ADAMTS17: variants seen among roughly 807,000 people sequenced by gnomAD.
The protein encoded by ADAMTS17 is ADAM metallopeptidase with thrombospondin type 1 motif 17.
A neutral mutation model predicts 141.5 loss-of-function variants in ADAMTS17; 113 were observed. The observed-to-expected ratio is 0.80, with a 90% CI of 0.69 to 0.93. The LOEUF is 0.93. Among genes scored for constraint, ADAMTS17 ranks in the 40% least tolerant of loss-of-function variants. ADAMTS17 has a pLI of 0.00. For synonymous variants in ADAMTS17, 768 were observed against 630.6 expected (o/e 1.22, Z -3.27); for missense variants, 1,659 against 1,517.9 (o/e 1.09, Z -1.54).
intron 8 of ADAMTS17, among the ~76,000 whole-genome samples, chr15:100,172,794 T>C (rs1380588440): frequency 6.6e-6 from 1 of 152,226 alleles, no homozygotes; most frequent in East Asian, 1.9e-4. Flanking sequence ...GCTCTCACCA[T>C]TGTTCCAACT....
chr15:100,295,111 T>C (rs967163620), intron 3 of ADAMTS17, among the ~76,000 whole-genome samples: 31 of 152,218 alleles, frequency 2.0e-4, no homozygotes, highest in Admixed American at 1.8e-3. Context: ...TCTTGTGTCA[T>C]TGACCTTCTT....
chr15:99,984,647 A>G (rs529212868), intron 20 of ADAMTS17, among the ~76,000 whole-genome samples: 1 of 152,310 alleles, frequency 6.6e-6, no homozygotes, highest in South Asian at 2.1e-4. Context: ...TATGAGGGCT[A>G]CCCCTAAACT....
chr15:100,292,536 G>C (rs994869821), intron 3 of ADAMTS17, among the ~76,000 whole-genome samples: 1 of 151,900 alleles, frequency 6.6e-6, no homozygotes, highest in Non-Finnish European at 1.5e-5. Flanking sequence ...CACTCACCCC[G>C]TGAGAAATTA....
chr15:99,983,698 T>G (rs1363521103), intron 20 of ADAMTS17, among the ~76,000 whole-genome samples: 1 of 151,954 alleles, frequency 6.6e-6, no homozygotes, highest in Non-Finnish European at 1.5e-5. Context: ...GGGTCTGGGG[T>G]GAGCACAAGC....
chr15:100,005,875 T>C (rs2061027614), intron 18 of ADAMTS17, among the ~76,000 whole-genome samples: 2 of 152,112 alleles, frequency 1.3e-5, no homozygotes, highest in African/African-American at 4.8e-5. Flanking sequence ...AAGGAGAACG[T>C]GTTCTGTGTC....
chr15:100,114,408 C>T (rs1596471247), intron 13 of ADAMTS17, among the ~76,000 whole-genome samples: 1 of 152,264 alleles, frequency 6.6e-6, no homozygotes, highest in African/African-American at 2.4e-5. Context: ...GTATTCCCCT[C>T]CTGCCTTCTA....
At chr15:100,244,191 A>G (rs926388493) in intron 7 of ADAMTS17, among the ~76,000 whole-genome samples, 9 of 151,860 alleles carry the variant, frequency 5.9e-5, no homozygotes, top group African/African-American at 2.2e-4. Context: ...CCCTATCACC[A>G]GAACAGCACA....
chr15:99,985,003 C>T (rs1033312142), intron 20 of ADAMTS17, among the ~76,000 whole-genome samples: 13 of 152,226 alleles, frequency 8.5e-5, no homozygotes, highest in African/African-American at 2.2e-4. Context: ...CCCTGCGGCC[C>T]GCCTCACTTC....
chr15:100,096,128 G>C (rs896805656), intron 15 of ADAMTS17, among the ~76,000 whole-genome samples: 1 of 152,230 alleles, frequency 6.6e-6, no homozygotes, highest in Non-Finnish European at 1.5e-5. Context: ...CAGGCTAAGT[G>C]GGGAGCTGTT....
At chr15:99,990,473 G>T (rs8042761) in intron 20 of ADAMTS17, among the ~76,000 whole-genome samples, 1 of 152,138 alleles carries the variant, frequency 6.6e-6, no homozygotes, top group African/African-American at 2.4e-5. Context: ...GGGGAAACTG[G>T]ACTGACAGCC....
chr15:100,222,129 G>C (rs1040236247), intron 7 of ADAMTS17, among the ~76,000 whole-genome samples: 1 of 152,320 alleles, frequency 6.6e-6, no homozygotes, highest in Non-Finnish European at 1.5e-5. Context: ...CCAGCAATTT[G>C]CAACGTGACT....
chr15:100,038,369 T>G (rs1230551114), intron 18 of ADAMTS17, among the ~76,000 whole-genome samples: 1 of 152,240 alleles, frequency 6.6e-6, no homozygotes, highest in African/African-American at 2.4e-5. Flanking sequence ...CAATTCCATA[T>G]GAATTTTAGC....
At chr15:100,207,054 G>T (rs1487494463) in intron 7 of ADAMTS17, among the ~76,000 whole-genome samples, 1 of 152,204 alleles carries the variant, frequency 6.6e-6, no homozygotes, top group Non-Finnish European at 1.5e-5. Context: ...AAATTCAGAG[G>T]TTGAAGCCCT....
At chr15:99,986,376 A>G (rs1268863811) in intron 20 of ADAMTS17, among the ~76,000 whole-genome samples, 2 of 152,170 alleles carry the variant, frequency 1.3e-5, no homozygotes, top group African/African-American at 4.8e-5. Context: ...CATGAACTTG[A>G]CCTCAGACTG....
intron 18 of ADAMTS17, among the ~76,000 whole-genome samples, chr15:100,022,652 C>A (rs2061426947): frequency 6.6e-6 from 1 of 152,096 alleles, no homozygotes; most frequent in Non-Finnish European, 1.5e-5. Flanking sequence ...TTTGCTGAGC[C>A]AAAGGCAGTG....
chr15:100,064,776 G>C (rs183978173), intron 15 of ADAMTS17, among the ~76,000 whole-genome samples: 1 of 152,338 alleles, frequency 6.6e-6, no homozygotes, highest in East Asian at 1.9e-4. Flanking sequence ...CTAATGCCTG[G>C]TTAATAGGGT....
At chr15:100,237,067 C>T (rs1261231277) in intron 7 of ADAMTS17, among the ~76,000 whole-genome samples, 1 of 152,198 alleles carries the variant, frequency 6.6e-6, no homozygotes, top group Non-Finnish European at 1.5e-5. Context: ...TCCTCAGGCC[C>T]CCACAACCCT....
rs543923277 is a variant in ADAMTS17 at position 100,240,137 on chromosome 15, G to A, written c.1075+13999C>T. On this transcript the variant is annotated intron_variant, in intron 7 of 21. Transcript: ENST00000268070. ...TGTAACCAGCTGCTGCTCAGGAGGG[G>A]CCCTGGGCCCCACCTCAAGCCTAAG... Among the ~76,000 whole-genome samples, 2 of 152,164 alleles carry A rather than the reference G, an allele frequency of 1.3e-5. 1 individual carries two copies. The highest frequency in any genetic ancestry group is 4.1e-4 in the South Asian group (2 of 4,832).
At position 100,251,070 on chromosome 15, in the gene ADAMTS17, C is replaced by A. The variant is rs886976021; in HGVS notation, c.1075+3066G>T. Among the ~76,000 whole-genome samples the A allele has an allele frequency of 2.6e-5, 4 of 151,876 alleles. No individual in the cohort carries two copies. In the East Asian group the frequency reaches 5.8e-4, roughly 22 times the overall value. On this transcript the variant is annotated intron_variant, in intron 7 of 21. Coordinates refer to ENST00000268070, the MANE Select transcript of ADAMTS17 (RefSeq NM_139057.4). ...ACATATACTAATAAAACACCATATA[C>A]GTTTAATTTTTTTAAAAAAGAAAAA... is the stretch of plus-strand genomic sequence containing the variant.
Sources: allele counts gnomAD v4.1 joint callset (sites outside exome capture counted in the v4.1 genomes callset), GRCh38; gene constraint gnomAD v4.1.1; transcripts MANE v1.5; gene names NCBI Gene and HGNC (gene_info 2026-07-23, HGNC 2026-07-21).